Variants in KY observed in about 807,000 individuals in gnomAD.
The protein encoded by KY is kyphoscoliosis peptidase.
KY carries 43 observed loss-of-function variants against 76.1 expected under a neutral mutation model. The observed-to-expected ratio is 0.57, with a 90% confidence interval of 0.44 to 0.73. KY has a LOEUF of 0.73. Ranked by LOEUF, KY falls within the 30% of genes least tolerant of loss-of-function variation. The pLI, the probability that KY is intolerant of heterozygous loss-of-function variation, is 0.00. For missense variants in KY, 722 were observed against 828.9 expected, an observed-to-expected ratio of 0.87 and a Z score of 1.58; for synonymous variants, 277 against 326.2, an observed-to-expected ratio of 0.85 and a Z score of 1.63.
In KY at chr3:134,619,232, C is replaced by T. The variant is rs185575980; in HGVS notation, c.626G>A (p.Arg209His). ...YDIAAAQEKD[R>H]QAFKPTDILR... ...GATGTCAGTGGGTTTGAAGGCTTGG[C>T]GGTCCTTCTCCTGAGCAGCTGCAAT... is the stretch of plus-strand genomic sequence containing the variant. Residue 209 changes from arginine to histidine, a missense_variant, in exon 8 of 11, where the codon CGC (arginine) becomes CAC (histidine). Around this residue, in one of 2 missense-constraint regions of KY, gnomAD observed 552 missense variants for 680.9 expected, o/e 0.81. Coordinates refer to ENST00000423778, the MANE Select transcript of KY (RefSeq NM_178554.6). 1.3e-5 allele frequency: 21 copies of T among 1,613,942 alleles called. No homozygotes were observed. The East Asian group carries it at 2.7e-4, about 21-fold the overall frequency.
intron 6 of KY, among the ~76,000 whole-genome samples, chr3:134,624,366 T>C (rs141442549): frequency 6.6e-6 from 1 of 152,338 alleles, no homozygotes; most frequent in East Asian, 1.9e-4. Context: ...ATCCATGCAC[T>C]CACCATCCAC....
intron 3 of KY, among the ~76,000 whole-genome samples, chr3:134,632,489 C>T (rs187597304): frequency 2.1e-4 from 32 of 152,056 alleles, no homozygotes; most frequent in Admixed American, 1.6e-3. Context: ...TAAAAATTAA[C>T]ATACTTTCAA....
In KY at chr3:134,608,716, A is replaced by T. The variant is rs753386220; in HGVS notation, c.1023T>A (p.Tyr341Ter). 2.5e-6 allele frequency: 4 copies of T among 1,613,996 alleles called. No homozygotes were observed. The highest frequency in any genetic ancestry group is 3.4e-6 in the Non-Finnish European group (4 of 1,179,880). ...QSLRQFENNM[Y>*]HKSEFYNKGM... ...CTTTGTTGTAGAATTCACTCTTGTG[A>T]TACATGTTGTTCTCAAACTGCCTCA... is the stretch of plus-strand genomic sequence containing the variant. Residue 341 changes from tyrosine (Y) to a stop codon, truncating the protein, a stop_gained, in exon 10 of 11, where the codon TAT becomes TAA. Transcript: ENST00000423778. LOFTEE classifies it high-confidence loss of function.
At chr3:134,627,894 G>C in intron 4 of KY, 76 bp from the exon 5 acceptor site, 1 of 1,177,776 alleles carries the variant, frequency 8.5e-7, no homozygotes, top group Non-Finnish European at 1.3e-6. Flanking sequence ...CTCACCTTCT[G>C]GTGGTCCTTG....
In KY at chr3:134,601,088, GA is replaced by G. The variant is rs1239800682; in HGVS notation, c.*2490del. 1 of 152,226 alleles carries G rather than the reference GA, an allele frequency of 6.6e-6. No individual in the cohort carries two copies. The highest frequency in any genetic ancestry group is 1.5e-5 in the Non-Finnish European group (1 of 68,036). The allele number at this position is 152,226 out of a possible 1,614,324, so 9.4% of individuals were successfully genotyped here. On this transcript the variant is annotated 3_prime_UTR_variant, in exon 11 of 11. Coordinates refer to ENST00000423778, the MANE Select transcript of KY (RefSeq NM_178554.6). ...CGGGAAACAAAGATGGGGATTTAAAGAAAAGCCTTCAAAATGCAACTCCGAA... is the reference window on the plus strand; with the variant it reads ...CGGGAAACAAAGATGGGGATTTAAAGAAAGCCTTCAAAATGCAACTCCGAA...
Position 134,603,824 on chromosome 3 carries a change from GCTCATTGTC to G in KY, c.1732_1740del (p.Asp578_Glu580del). 1 of 1,613,986 alleles carries G rather than the reference GCTCATTGTC, an allele frequency of 6.2e-7. No homozygotes were observed. The highest frequency in any genetic ancestry group is 1.6e-4 in the Middle Eastern group (1 of 6,062). ...AGCACACCTGACAGAGGTTCCAGCA[GCTCATTGTC>G]CTGTCCCCAGTTGCCAAAGCTCTCA... On this transcript the variant is annotated inframe_deletion, in exon 11 of 11. Coordinates refer to ENST00000423778, the MANE Select transcript of KY (RefSeq NM_178554.6).
At chr3:134,606,903 C>T in intron 10 of KY, 1 of 985,076 alleles carries the variant, frequency 1.0e-6, no homozygotes, top group Non-Finnish European at 1.2e-6. Flanking sequence ...TCTTCCTTCC[C>T]TTCCTTTCTG....
chr3:134,642,076 T>G (rs918118292), intron 3 of KY, among the ~76,000 whole-genome samples: 1 of 152,198 alleles, frequency 6.6e-6, no homozygotes, highest in African/African-American at 2.4e-5. Flanking sequence ...GTCATAGAGC[T>G]GCATTCTCAG....
At chr3:134,632,091 A>G (rs926621858) in intron 3 of KY, among the ~76,000 whole-genome samples, 2 of 152,118 alleles carry the variant, frequency 1.3e-5, no homozygotes, top group Non-Finnish European at 2.9e-5. Flanking sequence ...GGCATACGTC[A>G]AACAACAAAG....
chr3:134,641,762 G>A (rs1965793892), intron 3 of KY, among the ~76,000 whole-genome samples: 1 of 152,070 alleles, frequency 6.6e-6, no homozygotes, highest in Non-Finnish European at 1.5e-5. Flanking sequence ...CATCCTTCCT[G>A]CTTTACTTCC....
At chr3:134,631,909 A>G (rs1455653433) in intron 3 of KY, among the ~76,000 whole-genome samples, 1 of 152,158 alleles carries the variant, frequency 6.6e-6, no homozygotes, top group Non-Finnish European at 1.5e-5. Flanking sequence ...GGGTGAATAC[A>G]TAAGATTAAA....
chr3:134,642,384 A>T (rs1465421732), intron 3 of KY, among the ~76,000 whole-genome samples: 3 of 152,208 alleles, frequency 2.0e-5, no homozygotes, highest in African/African-American at 7.2e-5. Flanking sequence ...CTTATGGCTG[A>T]GCCTGTGAGA....
chr3:134,615,172 TTC>T (rs1961305020), intron 8 of KY: 1 of 152,264 alleles, frequency 6.6e-6, no homozygotes, highest in Non-Finnish European at 1.5e-5. Context: ...TTGATAATAA[TTC>T]TCTCTCCAGG....
chr3:134,615,716 AT>A (rs911578254), intron 8 of KY, among the ~76,000 whole-genome samples: 4 of 152,172 alleles, frequency 2.6e-5, no homozygotes, highest in African/African-American at 9.7e-5. Flanking sequence ...CCAGCATCAG[AT>A]TTGGTGATAA....
chr3:134,650,628 CTGCGCGT>C (rs1327964675), intron 1 of KY, among the ~76,000 whole-genome samples, 190 bp downstream of exon 1: 2 of 152,092 alleles, frequency 1.3e-5, no homozygotes, highest in Non-Finnish European at 2.9e-5. Flanking sequence ...AATCACGGGG[CTGCGCGT>C]TGCCACGGGA....
At chr3:134,606,985 A>G in intron 10 of KY, 1 of 984,128 alleles carries the variant, frequency 1.0e-6, no homozygotes, top group Non-Finnish European at 1.2e-6. Context: ...ACAAAGAAAT[A>G]CTCTGTACAT....
At chr3:134,648,044 A>C (rs1336175258) in intron 1 of KY, among the ~76,000 whole-genome samples, 4 of 152,222 alleles carry the variant, frequency 2.6e-5, no homozygotes, top group African/African-American at 9.6e-5. Context: ...GGACCTGGTG[A>C]TGCAACAGGG....
At chr3:134,610,646 C>A (rs1461801720) in intron 8 of KY, 1 of 413,286 alleles carries the variant, frequency 2.4e-6, no homozygotes, top group East Asian at 4.1e-5. Flanking sequence ...AGACCAACAC[C>A]ATTCAGATCA....
At chr3:134,614,573 C>A (rs1201593194) in intron 8 of KY, among the ~76,000 whole-genome samples, 1 of 151,950 alleles carries the variant, frequency 6.6e-6, no homozygotes, top group African/African-American at 2.4e-5. Flanking sequence ...AGAGACTGAA[C>A]AGAGGGGCAG....
Sources: gnomAD v4.1 joint callset for allele counts (sites outside exome capture counted in the v4.1 genomes callset) on GRCh38, gnomAD v4.1.1 for gene constraint, gnomAD v4.1.1 regional missense constraint, MANE v1.5 for transcripts, NCBI Gene and HGNC (gene_info 2026-07-23, HGNC 2026-07-21) for gene names.